NREP: variants seen among roughly 807,000 people sequenced by gnomAD.
NREP encodes the protein neuronal regeneration related protein.
In NREP, 5 loss-of-function variants were observed where a neutral mutation model predicts 8.6. The observed-to-expected ratio is 0.58, with a 90% CI of 0.30 to 1.22. NREP has a LOEUF of 1.22. Among genes scored for constraint, NREP ranks in the 50% most tolerant of loss-of-function variants. NREP has a pLI of 0.07. For missense variants in NREP, 86 were observed against 82.5 expected (o/e 1.04, Z -0.17); for synonymous variants, 27 against 28.0 (o/e 0.96, Z 0.11).
At chr5:111,946,506 A>G (rs1413463281) in intron 2 of NREP, among the ~76,000 whole-genome samples, 1 of 152,060 alleles carries the variant, frequency 6.6e-6, no homozygotes, top group East Asian at 1.9e-4. Flanking sequence ...TTCAGGCCAC[A>G]GTAAAAGATA....
At chr5:111,743,732 C>G (rs1169931940) in intron 2 of NREP, among the ~76,000 whole-genome samples, 1 of 151,992 alleles carries the variant, frequency 6.6e-6, no homozygotes, top group East Asian at 1.9e-4. Flanking sequence ...AAGCACATTC[C>G]AAGGTTAATA....
chr5:111,862,883 C>G (rs1446786673), intron 2 of NREP, among the ~76,000 whole-genome samples: 1 of 150,524 alleles, frequency 6.6e-6, no homozygotes, highest in African/African-American at 2.4e-5. Flanking sequence ...CTCATCTTAT[C>G]CAAGAAAAAG....
At chr5:111,780,724 A>C (rs1208248891) in intron 2 of NREP, among the ~76,000 whole-genome samples, 7 of 152,182 alleles carry the variant, frequency 4.6e-5, no homozygotes, top group African/African-American at 1.7e-4. Context: ...AGGAGCTAAT[A>C]GTCATAGGTG....
intron 2 of NREP, among the ~76,000 whole-genome samples, chr5:111,905,967 A>G (rs1561720496): frequency 1.3e-5 from 2 of 152,074 alleles, no homozygotes; most frequent in Non-Finnish European, 2.9e-5. Flanking sequence ...TAAAGTTGAG[A>G]TTACTAATTT....
In NREP at chr5:111,912,640, T is replaced by C. The variant is rs75568461; in HGVS notation, c.135+62634A>G. On this transcript the variant is annotated intron_variant, in intron 2 of 3. Transcript: ENST00000395634. ...TACTTTTGCAAGCTGTTTCCATTCT[T>C]ATTAGGCTAATAACTGAAGACAGGA... The C allele has an allele frequency of 6.9e-3, 1,057 of 152,226 alleles. 22 individuals are homozygous for C. The highest frequency in any genetic ancestry group is 0.024 in the African/African-American group (1,011 of 41,550). The allele number at this position is 152,226 out of a possible 1,614,324, so 9.4% of individuals were successfully genotyped here.
chr5:111,832,917 T>G (rs951650164), intron 2 of NREP, among the ~76,000 whole-genome samples: 2 of 152,106 alleles, frequency 1.3e-5, no homozygotes, highest in Non-Finnish European at 2.9e-5. Flanking sequence ...ACTCAATCAC[T>G]CTAAATAAGA....
intron 2 of NREP, among the ~76,000 whole-genome samples, chr5:111,916,918 G>T (rs960086616): frequency 1.1e-4 from 16 of 152,104 alleles, no homozygotes; most frequent in Non-Finnish European, 2.4e-4. Flanking sequence ...GCAAATTTCA[G>T]AGCAGGGATG....
intron 2 of NREP, among the ~76,000 whole-genome samples, chr5:111,924,470 AGGCATCCTTT>A (rs1170798808): frequency 2.0e-5 from 3 of 148,398 alleles, no homozygotes; most frequent in Non-Finnish European, 4.5e-5. Flanking sequence ...AAAAAAAAAA[AGGCATCCTTT>A]AGGTCTAGCA....
At position 111,961,384 on chromosome 5, in the gene NREP, G is replaced by A. The variant is rs376076836; in HGVS notation, c.135+13890C>T. On this transcript the variant is annotated intron_variant, in intron 2 of 3. Transcript: ENST00000395634. Reference sequence around the variant, plus strand: ...ATTCTTGTCCAAAAAGAAGCAATAAGTGCCAAGTTCCATTCATCTGTGGTC... The same window carrying A: ...ATTCTTGTCCAAAAAGAAGCAATAAATGCCAAGTTCCATTCATCTGTGGTC... Among the ~76,000 whole-genome samples, 352 of 152,296 alleles carry A rather than the reference G, an allele frequency of 2.3e-3. 1 individual carries two copies. The highest frequency in any genetic ancestry group is 7.7e-3 in the African/African-American group (318 of 41,558).
chr5:111,799,091 T>C (rs554325487), intron 2 of NREP, among the ~76,000 whole-genome samples: 1 of 152,364 alleles, frequency 6.6e-6, no homozygotes, highest in South Asian at 2.1e-4. Flanking sequence ...TATTTGGCTT[T>C]ATTTCTGCGT....
intron 2 of NREP, among the ~76,000 whole-genome samples, chr5:111,780,330 T>G (rs1236761042): frequency 6.6e-6 from 1 of 152,162 alleles, no homozygotes; most frequent in Non-Finnish European, 1.5e-5. Context: ...TGAATTATTT[T>G]GCATAAGAAA....
intron 2 of NREP, among the ~76,000 whole-genome samples, chr5:111,894,907 T>G (rs1369870729): frequency 6.6e-6 from 1 of 152,162 alleles, no homozygotes; most frequent in African/African-American, 2.4e-5. Flanking sequence ...CAATAACAAT[T>G]ATAAAACATT....
intron 2 of NREP, among the ~76,000 whole-genome samples, chr5:111,956,302 A>G (rs1336431796): frequency 6.6e-6 from 1 of 152,160 alleles, no homozygotes; most frequent in Non-Finnish European, 1.5e-5. Flanking sequence ...AACAGAAATA[A>G]CAAAACAATA....
upstream of NREP, among the ~76,000 whole-genome samples, chr5:111,760,081 G>T (rs1367461102): frequency 6.6e-6 from 1 of 152,200 alleles, no homozygotes; most frequent in Non-Finnish European, 1.5e-5. Flanking sequence ...CTTCAGCTAA[G>T]ATGTCTCAAC....
At chr5:111,777,573 T>C (rs1751394584) in intron 2 of NREP, among the ~76,000 whole-genome samples, 1 of 152,224 alleles carries the variant, frequency 6.6e-6, no homozygotes, top group East Asian at 1.9e-4. Context: ...AATACGACAA[T>C]GCTTCAGTGT....
At chr5:111,813,943 T>A (rs560084808) in intron 2 of NREP, among the ~76,000 whole-genome samples, 1 of 152,184 alleles carries the variant, frequency 6.6e-6, no homozygotes, top group Admixed American at 6.5e-5. Context: ...CTTAAATAAT[T>A]TACATAAGTG....
intron 2 of NREP, among the ~76,000 whole-genome samples, chr5:111,809,899 G>GTT (rs1752233311): frequency 6.6e-6 from 1 of 151,470 alleles, no homozygotes; most frequent in Non-Finnish European, 1.5e-5. Context: ...GTGTGTGTGT[G>GTT]TGTGTGTGTG....
intron 2 of NREP, among the ~76,000 whole-genome samples, chr5:111,911,336 T>C (rs527620290): frequency 6.6e-6 from 1 of 152,276 alleles, no homozygotes; most frequent in East Asian, 1.9e-4. Context: ...ATAATCTATT[T>C]ACTTATTTTA....
At chr5:111,950,246 G>A (rs187240980) in intron 2 of NREP, among the ~76,000 whole-genome samples, 2 of 151,998 alleles carry the variant, frequency 1.3e-5, no homozygotes, top group Non-Finnish European at 2.9e-5. Context: ...CATACCATAC[G>A]CCTACAACCA....
Sources: gnomAD v4.1 joint callset for allele counts (sites outside exome capture counted in the v4.1 genomes callset) on GRCh38, gnomAD v4.1.1 for gene constraint, MANE v1.5 for transcripts, NCBI Gene and HGNC (gene_info 2026-07-23, HGNC 2026-07-21) for gene names.